The following LPP variants were observed in gnomAD, a reference collection of about 807,000 sequenced individuals.
The protein encoded by LPP is LIM domain containing preferred translocation partner in lipoma, also known as lipoma-preferred partner.
In LPP, 38 loss-of-function variants were observed where a neutral mutation model predicts 60.4. That is an observed-to-expected ratio of 0.63 (90% CI 0.49 to 0.83). The LOEUF is 0.83. Ranked by LOEUF, LPP falls within the 40% of genes least tolerant of loss-of-function variation. The pLI, the probability that LPP is intolerant of heterozygous loss-of-function variation, is 0.00. For synonymous variants in LPP, 328 were observed against 290.8 expected, an observed-to-expected ratio of 1.13 and a Z score of -1.30; for missense variants, 902 against 783.6, an observed-to-expected ratio of 1.15 and a Z score of -1.80.
intron 6 of LPP, among the ~76,000 whole-genome samples, chr3:188,575,042 A>G (rs1243568514): frequency 6.6e-6 from 1 of 152,092 alleles, no homozygotes; most frequent in Non-Finnish European, 1.5e-5. Context: ...CACCCTAAGC[A>G]AGGAAGGTTT....
chr3:188,789,560 A>G (rs11926276), intron 9 of LPP, among the ~76,000 whole-genome samples: 2,366 of 152,336 alleles, frequency 0.016, 63 homozygotes, highest in African/African-American at 0.053. Flanking sequence ...TTCCTAACAT[A>G]CAAGAATTAT....
At chr3:188,688,148 G>T (rs753928424) in intron 7 of LPP, among the ~76,000 whole-genome samples, 1 of 152,182 alleles carries the variant, frequency 6.6e-6, no homozygotes, top group Non-Finnish European at 1.5e-5. Context: ...TAATCTATAT[G>T]ATGGGCTTTT....
At chr3:188,697,527 G>A (rs1863514047) in intron 7 of LPP, among the ~76,000 whole-genome samples, 1 of 152,116 alleles carries the variant, frequency 6.6e-6, no homozygotes, top group Non-Finnish European at 1.5e-5. Flanking sequence ...AAATCTAGGT[G>A]CCTTATTTTT....
At chr3:188,605,018 T>C (rs185192003) in intron 6 of LPP, among the ~76,000 whole-genome samples, 15 of 152,208 alleles carry the variant, frequency 9.9e-5, no homozygotes, top group Admixed American at 5.2e-4. Flanking sequence ...CTTGGCACAA[T>C]AGACATGAAA....
intron 2 of LPP, among the ~76,000 whole-genome samples, chr3:188,314,735 C>T (rs1250757772): frequency 1.3e-5 from 2 of 152,016 alleles, no homozygotes; most frequent in African/African-American, 2.4e-5. Flanking sequence ...GCAGGAGGAT[C>T]GCTTGAACCC....
At chr3:188,869,195 C>A (rs1371933023) in intron 10 of LPP, among the ~76,000 whole-genome samples, 1 of 152,204 alleles carries the variant, frequency 6.6e-6, no homozygotes, top group African/African-American at 2.4e-5. Flanking sequence ...GTAACTAGAG[C>A]AGCCTGGGAG....
Position 188,352,084 on chromosome 3 carries a change from T to C in LPP, c.-10+10365T>C, listed in dbSNP as rs1766024402. Among the ~76,000 whole-genome samples the C allele has an allele frequency of 6.6e-6, 1 of 152,208 alleles. No homozygotes were observed. Among genetic ancestry groups the C allele is most frequent in the Admixed American group, 6.5e-5 (1 of 15,284 alleles). ...ATTTTTCTTCTATTACTTTTGCTTC[T>C]TCCCCTTCCTCCTTCTCCTGACTTA... On this transcript the variant is annotated intron_variant, in intron 3 of 11. Transcript: ENST00000617246. The surrounding 1 kb of genome is among the most constrained non-coding windows in gnomAD (Gnocchi z 4.4).
intron 4 of LPP, among the ~76,000 whole-genome samples, chr3:188,411,254 A>G (rs562774355): frequency 7.4e-4 from 113 of 152,278 alleles, no homozygotes; most frequent in Middle Eastern, 6.8e-3. Context: ...GTCATAATTA[A>G]AAAAATAATA....
chr3:188,736,729 T>C (rs926909450), intron 8 of LPP, among the ~76,000 whole-genome samples: 3 of 151,922 alleles, frequency 2.0e-5, no homozygotes, highest in African/African-American at 7.2e-5. Flanking sequence ...GATGGATAGA[T>C]AGATAGATAC....
intron 6 of LPP, among the ~76,000 whole-genome samples, chr3:188,588,852 C>T (rs1035912261): frequency 5.9e-5 from 9 of 152,098 alleles, no homozygotes; most frequent in South Asian, 2.1e-4. Context: ...TGTGATTCCA[C>T]GCACCTCCGA....
intron 8 of LPP, among the ~76,000 whole-genome samples, chr3:188,748,226 G>T (rs184418283): frequency 3.4e-4 from 51 of 151,848 alleles, no homozygotes; most frequent in Admixed American, 1.8e-3. Context: ...TTACTGGCAG[G>T]ATACACACAC....
Position 188,364,643 on chromosome 3 carries a change from C to T in LPP, c.-10+22924C>T, listed in dbSNP as rs148389014. Among the ~76,000 whole-genome samples the T allele has an allele frequency of 6.2e-3, 947 of 152,298 alleles. 9 individuals carry two copies. The highest frequency in any genetic ancestry group is 0.034 in the South Asian group (166 of 4,826). On this transcript the variant is annotated intron_variant, in intron 3 of 11. Coordinates refer to ENST00000617246, the MANE Select transcript of LPP (RefSeq NM_001375462.1). ...CTTTCTGGAGGAGGAGGGTTTTGAT[C>T]TGGAACCTGCACGCTCATTAGAATT...
intron 5 of LPP, among the ~76,000 whole-genome samples, chr3:188,488,187 C>T (rs189557645): frequency 2.0e-3 from 311 of 152,214 alleles, no homozygotes; most frequent in Non-Finnish European, 3.8e-3. Context: ...AGTCCTCTAG[C>T]AGACTTCAAG....
rs1004222826 is a variant in LPP at position 188,441,609 on chromosome 3, C to CTTTTTTTTTTTTTTTTTT, written c.193+35308_193+35325dup. On this transcript the variant is annotated intron_variant, in intron 4 of 11. Coordinates refer to ENST00000617246, the MANE Select transcript of LPP (RefSeq NM_001375462.1). ...ACAGTTTCTTTTTTTCTTTTCTTTT[C>CTTTTTTTTTTTTTTTTTT]TTTTTTTTTTTTTTTTTTTTTTTTT... 4.1e-3 allele frequency among the ~76,000 whole-genome samples: 229 copies of CTTTTTTTTTTTTTTTTTT among 55,608 alleles called. 23 individuals are homozygous for CTTTTTTTTTTTTTTTTTT. Among genetic ancestry groups the CTTTTTTTTTTTTTTTTTT allele is most frequent in the Middle Eastern group, 9.6e-3 (1 of 104 alleles). 36.5% of individuals were successfully genotyped at this position (55,608 alleles called of 152,430 possible).
intron 6 of LPP, among the ~76,000 whole-genome samples, chr3:188,599,751 G>GGGGTGTGT (rs374294307): frequency 0.044 from 6,147 of 139,884 alleles, 199 homozygotes; most frequent in East Asian, 0.15. Flanking sequence ...ACTCGTTAGG[G>GGGGTGTGT]GTGTGTGTGT....
chr3:188,334,112 T>C (rs1760916060), intron 2 of LPP, among the ~76,000 whole-genome samples: 1 of 152,212 alleles, frequency 6.6e-6, no homozygotes, highest in Non-Finnish European at 1.5e-5. Context: ...AGAAAGGACA[T>C]GTGACAAATA....
intron 1 of LPP, among the ~76,000 whole-genome samples, chr3:188,210,278 A>G (rs1270859698): frequency 6.6e-6 from 1 of 152,180 alleles, no homozygotes; most frequent in East Asian, 1.9e-4. Context: ...CCAATTCCCC[A>G]TGGATACTGA....
chr3:188,659,949 T>C (rs145928578), intron 7 of LPP, among the ~76,000 whole-genome samples: 111 of 152,094 alleles, frequency 7.3e-4, no homozygotes, highest in African/African-American at 2.5e-3. Flanking sequence ...CAAATGGTTT[T>C]CACTTTATGT....
chr3:188,740,372 T>C (rs181252074), intron 8 of LPP, among the ~76,000 whole-genome samples: 1 of 152,196 alleles, frequency 6.6e-6, no homozygotes, highest in Admixed American at 6.5e-5. Flanking sequence ...GATACATTCA[T>C]ATTCTCTATT....
Sources: allele counts gnomAD v4.1 joint callset (sites outside exome capture counted in the v4.1 genomes callset), GRCh38; gene constraint gnomAD v4.1.1; non-coding constraint Gnocchi (gnomAD v3.1); transcripts MANE v1.5; gene names NCBI Gene and HGNC (gene_info 2026-07-23, HGNC 2026-07-21).